The following NEK10 variants were observed in gnomAD, a reference collection of about 807,000 sequenced individuals.
NEK10 encodes the protein serine/threonine-protein kinase Nek10.
In NEK10, 122 loss-of-function variants were observed where a neutral mutation model predicts 159.8. That is an observed-to-expected ratio of 0.76 (90% CI 0.66 to 0.89). NEK10 has a LOEUF of 0.89. NEK10 is among the 40% of genes least tolerant of loss of function. The pLI is 0.00. For synonymous variants in NEK10, 466 were observed against 457.1 expected (o/e 1.02, Z -0.25); for missense variants, 1,342 against 1,323.1 (o/e 1.01, Z -0.22).
chr3:27,271,357 C>T (rs925913899), intron 22 of NEK10, among the ~76,000 whole-genome samples: 2 of 146,720 alleles, frequency 1.4e-5, no homozygotes, highest in Non-Finnish European at 3.0e-5. Flanking sequence ...TAAAATTAAG[C>T]AATCACTATA....
At chr3:27,365,614 T>G (rs1240886592) in intron 1 of NEK10, among the ~76,000 whole-genome samples, 57 of 94,238 alleles carry the variant, frequency 6.0e-4, no homozygotes, top group Non-Finnish European at 1.2e-3. Context: ...TTTTGTGTTT[T>G]TTTTTTTTTT....
chr3:27,231,440 T>C (rs1314482008), intron 23 of NEK10, among the ~76,000 whole-genome samples: 3 of 151,302 alleles, frequency 2.0e-5, no homozygotes, highest in Admixed American at 1.3e-4. Flanking sequence ...CTCAAAAAAC[T>C]ACAGAAACAG....
At chr3:27,363,611 A>G (rs2048840750) in intron 1 of NEK10, 1 of 152,226 alleles carries the variant, frequency 6.6e-6, no homozygotes, top group Non-Finnish European at 1.5e-5. Context: ...TTGATTTGAC[A>G]AAATCTCTCC....
At chr3:27,228,596 A>C (rs995687454) in intron 23 of NEK10, among the ~76,000 whole-genome samples, 2 of 152,166 alleles carry the variant, frequency 1.3e-5, no homozygotes, top group African/African-American at 4.8e-5. Flanking sequence ...AAGAGGCAGG[A>C]GCTAGTGGGA....
At chr3:27,174,293 CAG>C (rs532342694) in intron 28 of NEK10, 144 bp downstream of exon 28, 1 of 1,255,428 alleles carries the variant, frequency 8.0e-7, no homozygotes, top group Non-Finnish European at 1.1e-6. Flanking sequence ...GTCAGAGAGA[CAG>C]ACACATCTGT....
At chr3:27,208,901 G>A (rs13079813) in intron 23 of NEK10, among the ~76,000 whole-genome samples, 35,753 of 151,966 alleles carry the variant, frequency 0.24, 4,551 homozygotes, top group Middle Eastern at 0.38. Flanking sequence ...CTGCCGTTAC[G>A]CAGTTAGTTA....
chr3:27,278,719 G>A (rs34641383), intron 22 of NEK10: 169,670 of 980,068 alleles, frequency 0.17, 15,660 homozygotes, highest in Non-Finnish European at 0.19. Flanking sequence ...GGAGGCAAGC[G>A]GACATGGAAG....
At chr3:27,290,553 C>G in intron 19 of NEK10, 64 bp downstream of exon 19, 3 of 1,225,262 alleles carry the variant, frequency 2.4e-6, no homozygotes, top group Non-Finnish European at 3.4e-6. Context: ...AGCACCACAA[C>G]TCTACTTTCT....
At chr3:27,202,596 G>C (rs772536969) in intron 23 of NEK10, 39 bp from the exon 24 acceptor site, 2 of 1,482,654 alleles carry the variant, frequency 1.3e-6, no homozygotes, top group South Asian at 2.9e-5. Context: ...GCTAAGGAAG[G>C]GAGAATCCGC....
chr3:27,309,985 T>C (rs893034112), intron 9 of NEK10: 1 of 152,136 alleles, frequency 6.6e-6, no homozygotes, highest in African/African-American at 2.4e-5. Context: ...TCTCTACATT[T>C]TCAGAATGCG....
In NEK10 at chr3:27,107,108, T is replaced by C. The variant is rs187904012; in HGVS notation, c.*4164A>G. On this transcript the variant is annotated 3_prime_UTR_variant, in exon 36 of 36. Transcript: ENST00000691995. ...ATTTTTTATATTATTAGACAATTGTTACATACATGCAATAAAGCATCTAGT... is the reference window on the plus strand; with the variant it reads ...ATTTTTTATATTATTAGACAATTGTCACATACATGCAATAAAGCATCTAGT... 1.2e-4 allele frequency among the ~76,000 whole-genome samples: 19 copies of C among 152,244 alleles called. No individual in the cohort carries two copies. The highest frequency in any genetic ancestry group is 9.8e-4 in the Admixed American group (15 of 15,274).
At chr3:27,313,387 G>GA (rs1216159101) in intron 7 of NEK10, among the ~76,000 whole-genome samples, 1 of 152,154 alleles carries the variant, frequency 6.6e-6, no homozygotes, top group Admixed American at 6.5e-5. Context: ...TAGCAAAGCA[G>GA]AAAAATAAAT....
intron 22 of NEK10, among the ~76,000 whole-genome samples, chr3:27,262,868 C>T (rs888734020): frequency 6.6e-6 from 1 of 152,208 alleles, no homozygotes; most frequent in South Asian, 2.1e-4. Flanking sequence ...TGTTCCATTG[C>T]TGGTGAGGAG....
chr3:27,284,066 T>C (rs998690652), intron 22 of NEK10, among the ~76,000 whole-genome samples: 2 of 152,190 alleles, frequency 1.3e-5, no homozygotes, highest in Non-Finnish European at 2.9e-5. Flanking sequence ...TAGCCACTTA[T>C]CACATAGGGA....
chr3:27,121,754 A>T lies in NEK10; in HGVS notation c.3082-1886T>A, dbSNP rs567407950. 4.7e-4 allele frequency among the ~76,000 whole-genome samples: 72 copies of T among 152,262 alleles called. 1 individual carries two copies. In the South Asian group the frequency reaches 0.014, roughly 30 times the overall value. ...AGACTAATACAATCAGACAAAACTA[A>T]CCAAGGGTAACAGAAATCAGGTAAT... On this transcript the variant is annotated intron_variant, in intron 32 of 35. Transcript: ENST00000691995.
At chr3:27,336,344 T>G (rs1462613361) in intron 5 of NEK10, among the ~76,000 whole-genome samples, 2 of 152,072 alleles carry the variant, frequency 1.3e-5, no homozygotes, top group Admixed American at 1.3e-4. Flanking sequence ...CAAGATTAAA[T>G]AAGTAATAAA....
At chr3:27,181,070 A>G (rs1948052844) in intron 26 of NEK10, among the ~76,000 whole-genome samples, 1 of 152,092 alleles carries the variant, frequency 6.6e-6, no homozygotes, top group Non-Finnish European at 1.5e-5. Flanking sequence ...TCCTTCTGCT[A>G]CCAATGTTGT....
chr3:27,252,814 A>T, intron 23 of NEK10: 2 of 460,026 alleles, frequency 4.3e-6, no homozygotes, highest in Non-Finnish European at 8.8e-6. Context: ...GGAATTGTTA[A>T]AGTTTGGTTT....
intron 30 of NEK10, among the ~76,000 whole-genome samples, chr3:27,157,857 A>G (rs59092902): frequency 0.098 from 14,927 of 152,206 alleles, 2,429 homozygotes; most frequent in African/African-American, 0.34. Flanking sequence ...AGCCTGATCA[A>G]TCTGCAGCCA....
Sources: gnomAD v4.1 joint callset for allele counts (sites outside exome capture counted in the v4.1 genomes callset) on GRCh38, gnomAD v4.1.1 for gene constraint, MANE v1.5 for transcripts, NCBI Gene and HGNC (gene_info 2026-07-23, HGNC 2026-07-21) for gene names.